The following PSD3 variants were observed in gnomAD, a reference collection of about 807,000 sequenced individuals.
The protein encoded by PSD3 is PH and SEC7 domain-containing protein 3.
In PSD3, 49 loss-of-function variants were observed where a neutral mutation model predicts 105.5. The ratio of observed to expected loss-of-function variants is 0.46; its 90% CI spans 0.37 to 0.59. The LOEUF (loss-of-function observed/expected upper bound fraction) is 0.59, where lower values mean the gene tolerates loss of function less well. Among genes scored for constraint, PSD3 ranks in the 20% least tolerant of loss-of-function variants. PSD3 has a pLI of 0.00. For missense variants in PSD3, 1,561 were observed against 1,263.8 expected, an observed-to-expected ratio of 1.24 and a Z score of -3.57; for synonymous variants, 557 against 457.8, an observed-to-expected ratio of 1.22 and a Z score of -2.77.
intron 1 of PSD3, among the ~76,000 whole-genome samples, chr8:19,032,233 A>G (rs975064253): frequency 6.7e-6 from 1 of 149,112 alleles, no homozygotes; most frequent in Non-Finnish European, 1.5e-5. Context: ...TTAAAAGTTC[A>G]ACAGTTCATC....
rs369419508 is a variant in PSD3, at chr8:19,012,297, AT to A, written c.21+1265del. ...AAACTGGTTGAAAAGGTGCTAATTT[AT>A]TTTGCATTTGCTTAACTGGTGATGT... On this transcript the variant is annotated intron_variant, in intron 1 of 15. Transcript: ENST00000327040. Among the ~76,000 whole-genome samples, 4 of 152,250 alleles carry A rather than the reference AT, an allele frequency of 2.6e-5. No individual in the cohort carries two copies. In the East Asian group the frequency reaches 5.8e-4, roughly 22 times the overall value.
At chr8:18,813,450 A>C (rs1449267099) in intron 4 of PSD3, among the ~76,000 whole-genome samples, 1 of 152,144 alleles carries the variant, frequency 6.6e-6, no homozygotes, top group African/African-American at 2.4e-5. Flanking sequence ...TGGTGGAGGG[A>C]ATCACCTGGG....
At chr8:18,885,963 G>T (rs1818426047) in intron 2 of PSD3, among the ~76,000 whole-genome samples, 1 of 152,106 alleles carries the variant, frequency 6.6e-6, no homozygotes. Flanking sequence ...AGCTAACCTT[G>T]TTCCCTTCAA....
intron 1 of PSD3, 54 bp from the exon 2 acceptor site, chr8:18,936,196 C>A: frequency 6.2e-6 from 7 of 1,134,226 alleles, no homozygotes; most frequent in Non-Finnish European, 9.2e-6. Flanking sequence ...TTAAAAAACA[C>A]ATCATAAAAC....
intron 1 of PSD3, among the ~76,000 whole-genome samples, chr8:18,969,773 A>C (rs2129471895): frequency 6.6e-6 from 1 of 152,298 alleles, no homozygotes; most frequent in South Asian, 2.1e-4. Flanking sequence ...AAAGTCCAAA[A>C]ATTCTAGTCA....
intron 12 of PSD3, among the ~76,000 whole-genome samples, chr8:18,584,779 GTC>G (rs760456211): frequency 5.3e-5 from 8 of 152,256 alleles, no homozygotes; most frequent in Non-Finnish European, 8.8e-5. Context: ...GCTCTTAAAT[GTC>G]TCTTCAAAAA....
intron 1 of PSD3, among the ~76,000 whole-genome samples, chr8:19,040,073 G>A (rs1209614955): frequency 1.3e-5 from 2 of 152,148 alleles, no homozygotes; most frequent in South Asian, 2.1e-4. Context: ...AAACATGAAC[G>A]GAAACAGCCT....
Position 18,530,995 on chromosome 8 carries a change from T to C in PSD3, c.*4748A>G, listed in dbSNP as rs1799610531. 6.6e-6 allele frequency: 1 copy of C among 152,236 alleles called. No homozygotes were observed. The highest frequency in any genetic ancestry group is 1.5e-5 in the Non-Finnish European group (1 of 68,036). 9.4% of individuals were successfully genotyped at this position (152,236 alleles called of 1,614,324 possible). A position where few individuals can be genotyped will look rare whatever the true frequency, so the allele number is the denominator to read the frequency against. ...TGATTAAGGACAAAAATAATTTTGA[T>C]GTACATGTACCATACACTGATATGC... On this transcript the variant is annotated 3_prime_UTR_variant, in exon 16 of 16. Coordinates refer to ENST00000327040, the MANE Select transcript of PSD3 (RefSeq NM_015310.4).
chr8:19,031,435 A>C (rs1186389349), intron 1 of PSD3, among the ~76,000 whole-genome samples: 1 of 152,206 alleles, frequency 6.6e-6, no homozygotes, highest in East Asian at 1.9e-4. Context: ...AACATTTGGC[A>C]TACTACTTTG....
At chr8:18,564,013 A>G (rs2130237555) in intron 14 of PSD3, among the ~76,000 whole-genome samples, 1 of 152,218 alleles carries the variant, frequency 6.6e-6, no homozygotes, top group East Asian at 1.9e-4. Flanking sequence ...TACCATAAAA[A>G]CACCCCTGCA....
chr8:18,809,058 A>T (rs1289634168), intron 4 of PSD3, among the ~76,000 whole-genome samples: 2 of 152,144 alleles, frequency 1.3e-5, no homozygotes, highest in Non-Finnish European at 2.9e-5. Flanking sequence ...CCTCGTTCAC[A>T]CTTGATAAAG....
chr8:18,555,934 T>G (rs1801042885), intron 15 of PSD3, among the ~76,000 whole-genome samples: 1 of 152,182 alleles, frequency 6.6e-6, no homozygotes, highest in Non-Finnish European at 1.5e-5. Flanking sequence ...CTACTGTTCT[T>G]TTTCTTCCCC....
At chr8:19,072,589 C>T (rs902723227) in intron 1 of PSD3, among the ~76,000 whole-genome samples, 3 of 152,132 alleles carry the variant, frequency 2.0e-5, no homozygotes, top group Admixed American at 6.6e-5. Flanking sequence ...TCTATTCAGA[C>T]ATGGAGAAAA....
At chr8:18,745,214 CCT>C (rs1355509426) in intron 9 of PSD3, among the ~76,000 whole-genome samples, 3 of 152,148 alleles carry the variant, frequency 2.0e-5, no homozygotes, top group Non-Finnish European at 2.9e-5. Flanking sequence ...ACACAAATAT[CCT>C]GTTTCTTCCC....
At chr8:18,767,453 G>A (rs1161489487) in intron 8 of PSD3, among the ~76,000 whole-genome samples, 1 of 152,116 alleles carries the variant, frequency 6.6e-6, no homozygotes, top group Non-Finnish European at 1.5e-5. Context: ...TACCAACATC[G>A]TAATATACCT....
intron 4 of PSD3, among the ~76,000 whole-genome samples, chr8:18,828,053 A>ACATATATATAATATATATATG: frequency 9.0e-6 from 1 of 111,686 alleles, no homozygotes; most frequent in Non-Finnish European, 1.8e-5. Context: ...ATATGTATAT[A>ACATATATATAATATATATATG]TATATATATA....
At chr8:18,955,731 A>C (rs747889603) in intron 1 of PSD3, among the ~76,000 whole-genome samples, 12 of 151,596 alleles carry the variant, frequency 7.9e-5, no homozygotes, top group Non-Finnish European at 1.5e-4. Context: ...TCTGAATCTC[A>C]AGCCAAATCA....
rs561685878 is a variant in PSD3, at chr8:19,045,448, G to C, written c.324+38758C>G. 5.3e-4 allele frequency among the ~76,000 whole-genome samples: 81 copies of C among 152,186 alleles called. 1 individual carries two copies. In the South Asian group the frequency reaches 0.016, roughly 31 times the overall value. Reference sequence around the variant, plus strand: ...GAGGTGAGACTGACAGTAGCCAGCCGCCCTTGAACACAGCCAAGCTTCTTT... The same window carrying C: ...GAGGTGAGACTGACAGTAGCCAGCCCCCCTTGAACACAGCCAAGCTTCTTT... On this transcript the variant is annotated intron_variant, in intron 1 of 1. Transcript: ENST00000521475.
intron 9 of PSD3, among the ~76,000 whole-genome samples, chr8:18,743,957 T>TACCACCACCA (rs1210197387): frequency 8.2e-4 from 61 of 73,986 alleles, no homozygotes; most frequent in African/African-American, 2.4e-3. Flanking sequence ...AAACTCTGTC[T>TACCACCACCA]CTCACCACCA....
Sources: gnomAD v4.1 joint callset for allele counts (sites outside exome capture counted in the v4.1 genomes callset) on GRCh38, gnomAD v4.1.1 for gene constraint, MANE v1.5 for transcripts, NCBI Gene and HGNC (gene_info 2026-07-23, HGNC 2026-07-21) for gene names.